TMOD3: variants seen among roughly 807,000 people sequenced by gnomAD.
The protein encoded by TMOD3 is tropomodulin 3.
TMOD3 carries 20 observed loss-of-function variants against 39.2 expected under a neutral mutation model. The observed-to-expected ratio is 0.51, with a 90% CI of 0.36 to 0.74. The LOEUF is 0.74. Ranked by LOEUF, TMOD3 falls within the 30% of genes least tolerant of loss-of-function variation. The pLI, the probability that TMOD3 is intolerant of heterozygous loss-of-function variation, is 0.00. For synonymous variants in TMOD3, 143 were observed against 145.8 expected (o/e 0.98, Z 0.14); for missense variants, 381 against 412.8 (o/e 0.92, Z 0.67).
chr15:51,835,306 GT>G, intron 1 of TMOD3, among the ~76,000 whole-genome samples: 1 of 152,160 alleles, frequency 6.6e-6, no homozygotes, highest in South Asian at 2.1e-4. Context: ...ATCTTTTTCT[GT>G]TTTGTTTTGT....
intron 1 of TMOD3, among the ~76,000 whole-genome samples, chr15:51,833,595 A>T (rs1047276079): frequency 1.3e-5 from 2 of 152,170 alleles, no homozygotes; most frequent in African/African-American, 4.8e-5. Flanking sequence ...CTGGTCTTGG[A>T]CTTCACATAA....
chr15:51,871,930 CTACA>C (rs1361405309), intron 3 of TMOD3, among the ~76,000 whole-genome samples: 1 of 152,092 alleles, frequency 6.6e-6, no homozygotes, highest in African/African-American at 2.4e-5. Flanking sequence ...CCTCTTTTAG[CTACA>C]TATGTCTATT....
chr15:51,830,565 C>T lies in TMOD3; in HGVS notation c.-75+729C>T, dbSNP rs779017051. Among the ~76,000 whole-genome samples, 97 of 152,006 alleles carry T rather than the reference C, an allele frequency of 6.4e-4. 1 individual carries two copies. The highest frequency in any genetic ancestry group is 1.3e-4 in the Non-Finnish European group (9 of 67,990). On this transcript the variant is annotated intron_variant, in intron 1 of 9. Transcript: ENST00000308580. ...GTTAAGAATCGCATTTCCAACTTGC[C>T]CTTGGCCTCTGTTAAAACCAAAAGT...
intron 2 of TMOD3, among the ~76,000 whole-genome samples, chr15:51,865,747 T>C (rs2056442141): frequency 1.3e-5 from 2 of 152,166 alleles, no homozygotes; most frequent in Admixed American, 6.5e-5. Context: ...TAGCAGCTAC[T>C]TCAGCCAAAG....
rs1555389067 is a variant in TMOD3 at position 51,908,944 on chromosome 15, A to G, written c.*134A>G. 4.1e-6 allele frequency: 2 copies of G among 482,868 alleles called. No individual in the cohort carries two copies. The highest frequency in any genetic ancestry group is 3.4e-5 in the East Asian group (1 of 29,676). 29.9% of individuals were successfully genotyped at this position (482,868 alleles called of 1,614,324 possible). ...TTTTAGTGACATGCATTTTTTTTTT[A>G]GTTGTTATCAAATTGTAAAATCAGT... On this transcript the variant is annotated 3_prime_UTR_variant, in exon 10 of 10. Coordinates refer to ENST00000308580, the MANE Select transcript of TMOD3 (RefSeq NM_014547.5).
chr15:51,899,202 T>C (rs1329694809), intron 7 of TMOD3: 1 of 151,932 alleles, frequency 6.6e-6, no homozygotes, highest in Admixed American at 6.6e-5. Context: ...AAGACCCAAA[T>C]AAGAAAAGAT....
At chr15:51,879,763 AG>A (rs2056522994) in intron 3 of TMOD3, among the ~76,000 whole-genome samples, 1 of 151,898 alleles carries the variant, frequency 6.6e-6, no homozygotes, top group Non-Finnish European at 1.5e-5. Flanking sequence ...TCTGAGTTTA[AG>A]GAACACTGAC....
chr15:51,842,061 C>G (rs2056315279), intron 1 of TMOD3, among the ~76,000 whole-genome samples: 1 of 152,224 alleles, frequency 6.6e-6, no homozygotes, highest in African/African-American at 2.4e-5. Context: ...CAGGCGTGAG[C>G]CACTGTGCCT....
intron 1 of TMOD3, among the ~76,000 whole-genome samples, chr15:51,844,875 T>C (rs1032108974): frequency 6.6e-6 from 1 of 152,166 alleles, no homozygotes; most frequent in Admixed American, 6.5e-5. Flanking sequence ...ACTGTTAACT[T>C]TTTTTTCCCC....
intron 6 of TMOD3, 132 bp downstream of exon 6, chr15:51,894,077 A>C: frequency 1.5e-6 from 1 of 675,870 alleles, no homozygotes; most frequent in Non-Finnish European, 2.2e-6. Context: ...CAGTATGCTA[A>C]CATAGGTTTC....
chr15:51,859,839 C>G, intron 1 of TMOD3: 2 of 519,788 alleles, frequency 3.8e-6, no homozygotes, highest in Non-Finnish European at 7.8e-6. Context: ...AGTTATGGCA[C>G]AGCAACAACT....
Position 51,887,641 on chromosome 15 carries a change from A to G in TMOD3, c.336A>G (p.Lys112=). The part of the protein sequence containing the change: ...QKPVQTFTEE[K]VSLDPELEEA... Reference sequence around the variant, plus strand: ...CTGTACAGACTTTTACAGAAGAAAAAGTGTCTCTTGATCCAGAATTAGAAG... The same window carrying G: ...CTGTACAGACTTTTACAGAAGAAAAGGTGTCTCTTGATCCAGAATTAGAAG... Residue 112 remains lysine (K), a synonymous_variant, in exon 4 of 10, where the codon AAA becomes AAG. Coordinates refer to ENST00000308580, the MANE Select transcript of TMOD3 (RefSeq NM_014547.5). 6.2e-7 allele frequency: 1 copy of G among 1,614,004 alleles called. No individual in the cohort carries two copies. The highest frequency in any genetic ancestry group is 1.1e-5 in the South Asian group (1 of 91,056).
chr15:51,859,671 C>A (rs17705889), intron 1 of TMOD3: 1 of 489,716 alleles, frequency 2.0e-6, no homozygotes, highest in African/African-American at 2.0e-5. Flanking sequence ...GGTAGACAAA[C>A]CTGGAGTTTC....
chr15:51,861,007 G>T, intron 1 of TMOD3: 1 of 671,312 alleles, frequency 1.5e-6, no homozygotes, highest in South Asian at 1.4e-5. Flanking sequence ...GAGGCACTTC[G>T]GAAAACACCT....
At chr15:51,834,225 A>G (rs375210236) in intron 1 of TMOD3, among the ~76,000 whole-genome samples, 9 of 151,932 alleles carry the variant, frequency 5.9e-5, no homozygotes, top group African/African-American at 2.2e-4. Flanking sequence ...TTTTTTTTAT[A>G]CAGTCTGTCC....
intron 1 of TMOD3, chr15:51,860,784 A>C (rs1477868224): frequency 1.4e-5 from 5 of 364,430 alleles, no homozygotes; most frequent in African/African-American, 1.1e-4. Context: ...AAAAATACAA[A>C]AATTAGCCGG....
rs571956837 is a variant in TMOD3, at chr15:51,893,494, C to T, written c.497-321C>T. 1.4e-4 allele frequency among the ~76,000 whole-genome samples: 21 copies of T among 151,854 alleles called. No homozygotes were observed. In the East Asian group the frequency reaches 4.1e-3, roughly 29 times the overall value. On this transcript the variant is annotated intron_variant, in intron 5 of 9. Coordinates refer to ENST00000308580, the MANE Select transcript of TMOD3 (RefSeq NM_014547.5). The stretch of plus-strand genomic sequence containing the variant: ...AATAGTATCAACTCCAGGCTGAGCA[C>T]AGTGGCTCCTGCCTGTAATCCCAGC...
At chr15:51,870,089 C>A (rs547085977) in intron 3 of TMOD3, among the ~76,000 whole-genome samples, 1 of 152,240 alleles carries the variant, frequency 6.6e-6, no homozygotes, top group South Asian at 2.1e-4. Context: ...CAGGTGCACA[C>A]CAGCACGTCT....
intron 1 of TMOD3, among the ~76,000 whole-genome samples, chr15:51,845,095 T>TC (rs1222693185): frequency 6.6e-6 from 1 of 152,178 alleles, no homozygotes; most frequent in Non-Finnish European, 1.5e-5. Flanking sequence ...AGTATTTTTT[T>TC]CCCCCAAGAT....
Sources: allele counts gnomAD v4.1 joint callset (sites outside exome capture counted in the v4.1 genomes callset), GRCh38; gene constraint gnomAD v4.1.1; transcripts MANE v1.5; gene names NCBI Gene and HGNC (gene_info 2026-07-23, HGNC 2026-07-21).